Variants in GOLGA4 observed in about 807,000 individuals in gnomAD.
GOLGA4 encodes the protein golgin A4, also known as golgin subfamily A member 4.
GOLGA4 carries 169 observed loss-of-function variants against 265.9 expected under a neutral mutation model. The ratio of observed to expected loss-of-function variants is 0.64; its 90% CI spans 0.56 to 0.72. The LOEUF (loss-of-function observed/expected upper bound fraction) is 0.72, where lower values mean the gene tolerates loss of function less well. GOLGA4 is among the 30% of genes least tolerant of loss of function. The pLI is 0.00. For missense variants in GOLGA4, 2,482 were observed against 2,483.4 expected, an observed-to-expected ratio of 1.00 and a Z score of 0.01; for synonymous variants, 923 against 855.8, an observed-to-expected ratio of 1.08 and a Z score of -1.37.
Position 37,337,143 on chromosome 3 carries a change from G to A in GOLGA4, c.6307G>A (p.Val2103Ile), listed in dbSNP as rs925273952. ...EQEENPGNDN[V>I]TIMELQTQLA... Reference sequence around the variant, plus strand: ...ATGTTTTTTCTTTCCATTTTTTCAGGTAACAATTATGGAGCTACAGGTAAG... The same window carrying A: ...ATGTTTTTTCTTTCCATTTTTTCAGATAACAATTATGGAGCTACAGGTAAG... Residue 2103 changes from valine to isoleucine, a missense_variant and splice_region_variant, in exon 18 of 24, where the codon GTA becomes ATA. By Grantham distance (29) the Val-to-Ile change is conservative. Around this residue, in one of 3 missense-constraint regions of GOLGA4, gnomAD observed 942 missense variants for 983.1 expected, o/e 0.96. Transcript: ENST00000361924. The A allele has an allele frequency of 2.1e-6, 3 of 1,441,874 alleles. No homozygotes were observed. Among genetic ancestry groups the A allele is most frequent in the African/African-American group, 2.9e-5 (2 of 69,990 alleles). The allele number at this position is 1,441,874 out of a possible 1,614,324, so 89.3% of individuals were successfully genotyped here.
intron 12 of GOLGA4, among the ~76,000 whole-genome samples, chr3:37,321,031 A>G (rs1431272417): frequency 6.6e-6 from 1 of 152,196 alleles, no homozygotes; most frequent in African/African-American, 2.4e-5. Flanking sequence ...GCAGTTGGCA[A>G]TATCTGCTCT....
chr3:37,363,917 G>T (rs1250206290), intron 23 of GOLGA4, among the ~76,000 whole-genome samples: 2 of 152,030 alleles, frequency 1.3e-5, no homozygotes, highest in Non-Finnish European at 2.9e-5. Context: ...CTTGAATTTT[G>T]TTTCCCACAA....
intron 11 of GOLGA4, among the ~76,000 whole-genome samples, chr3:37,318,792 G>A (rs1559420902): frequency 6.6e-6 from 1 of 152,068 alleles, no homozygotes; most frequent in Admixed American, 6.5e-5. Flanking sequence ...ATCCTGACTT[G>A]TAGGGAACAT....
intron 21 of GOLGA4, among the ~76,000 whole-genome samples, chr3:37,354,340 A>G (rs1169601641): frequency 1.3e-5 from 2 of 152,020 alleles, no homozygotes; most frequent in African/African-American, 2.4e-5. Flanking sequence ...TAAGCACTGA[A>G]GTTGTTATCC....
intron 1 of GOLGA4, among the ~76,000 whole-genome samples, chr3:37,248,572 C>T (rs1433786278): frequency 6.6e-6 from 1 of 152,204 alleles, no homozygotes; most frequent in Non-Finnish European, 1.5e-5. Context: ...TTTATACTCA[C>T]ATCCATTTTC....
chr3:37,251,254 T>C (rs1578335880), intron 1 of GOLGA4, 141 bp from the exon 2 acceptor site: 1 of 583,412 alleles, frequency 1.7e-6, no homozygotes, highest in East Asian at 2.9e-5. Context: ...ATATTTGTTA[T>C]CCTTTTCTGC....
chr3:37,289,330 A>C (rs1411888016), intron 5 of GOLGA4, 39 bp downstream of exon 5: 2 of 1,208,310 alleles, frequency 1.7e-6, no homozygotes, highest in Non-Finnish European at 2.4e-6. Context: ...ATAGTAATTA[A>C]ATCTCATATT....
chr3:37,276,354 C>T, intron 2 of GOLGA4: 1 of 1,607,246 alleles, frequency 6.2e-7, no homozygotes, highest in Non-Finnish European at 8.5e-7. Flanking sequence ...GACTTATTTG[C>T]TAGAATGACA....
intron 21 of GOLGA4, among the ~76,000 whole-genome samples, chr3:37,353,452 C>A (rs1362276622): frequency 1.3e-5 from 2 of 152,108 alleles, no homozygotes; most frequent in Non-Finnish European, 2.9e-5. Context: ...CACACAGATT[C>A]TGTTCTGTCT....
At chr3:37,289,593 G>C (rs2096859697) in intron 5 of GOLGA4, among the ~76,000 whole-genome samples, 1 of 152,064 alleles carries the variant, frequency 6.6e-6, no homozygotes, top group African/African-American at 2.4e-5. Flanking sequence ...GCTTCTTTTT[G>C]TTTTTCCTAA....
Position 37,243,574 on chromosome 3 carries a change from G to C in GOLGA4, c.24G>C (p.Lys8Asn), listed in dbSNP as rs770327430. 1.2e-6 allele frequency: 2 copies of C among 1,614,086 alleles called. No homozygotes were observed. Among genetic ancestry groups the C allele is most frequent in the Admixed American group, 1.7e-5 (1 of 60,032 alleles). Residue 8 changes from lysine (K) to asparagine (N), a missense_variant, in exon 1 of 24, where the codon AAG (lysine) becomes AAC (asparagine). This residue lies in a region of GOLGA4 where 1,536 missense variants were observed against 1,483.7 expected (regional missense o/e 1.04). Transcript: ENST00000361924. MFKKLKQKISEEQQQLQQ... is the reference protein window; with the variant it reads MFKKLKQNISEEQQQLQQ... Reference sequence around the variant, plus strand: ...CCATGTTCAAGAAACTGAAGCAAAAGATCAGCGAGGAGCAGCAGCAGCTCC... The same window carrying C: ...CCATGTTCAAGAAACTGAAGCAAAACATCAGCGAGGAGCAGCAGCAGCTCC...
At chr3:37,259,303 T>C (rs949256783) in intron 2 of GOLGA4, among the ~76,000 whole-genome samples, 2 of 152,328 alleles carry the variant, frequency 1.3e-5, no homozygotes, top group Admixed American at 1.3e-4. Context: ...AGTCCCTCTG[T>C]AAGGAACTGT....
intron 20 of GOLGA4, among the ~76,000 whole-genome samples, chr3:37,344,268 AT>A (rs1375911415): frequency 1.3e-5 from 2 of 152,058 alleles, no homozygotes; most frequent in African/African-American, 4.8e-5. Context: ...CACCTGGCTA[AT>A]TTTTGTATTT....
At chr3:37,269,460 A>AG (rs2096792349) in intron 2 of GOLGA4, among the ~76,000 whole-genome samples, 1 of 152,220 alleles carries the variant, frequency 6.6e-6, no homozygotes, top group South Asian at 2.1e-4. Flanking sequence ...AAGAAAATGT[A>AG]GGGCTCTGTC....
chr3:37,339,844 A>G (rs2097026933), intron 19 of GOLGA4, among the ~76,000 whole-genome samples: 1 of 152,088 alleles, frequency 6.6e-6, no homozygotes, highest in African/African-American at 2.4e-5. Context: ...TACTTCATTG[A>G]TAGTGTCTGT....
Position 37,298,926 on chromosome 3 carries a change from A to T in GOLGA4, c.908A>T (p.Gln303Leu). ...NLLKRCKETI[Q>L]SHKEQCTLLT... ...CTTAAGCGTTGTAAGGAAACAATTC[A>T]GTCACATAAGGAACAATGTACACTA... Residue 303 changes from glutamine (Q) to leucine (L), a missense_variant, in exon 8 of 24, where the codon CAG becomes CTG. Coordinates refer to ENST00000361924, the MANE Select transcript of GOLGA4 (RefSeq NM_002078.5). 1 of 1,613,080 alleles carries T rather than the reference A, an allele frequency of 6.2e-7. No individual in the cohort carries two copies. Among genetic ancestry groups the T allele is most frequent in the Non-Finnish European group, 8.5e-7 (1 of 1,179,054 alleles).
At chr3:37,243,885 A>G (rs1161511355) in intron 1 of GOLGA4, 11 of 518,904 alleles carry the variant, frequency 2.1e-5, no homozygotes, top group Non-Finnish European at 3.4e-5. Context: ...ATCTCCGTTA[A>G]GAGTTTTCTC....
chr3:37,363,289 T>A (rs1696477574), intron 23 of GOLGA4, among the ~76,000 whole-genome samples: 1 of 152,346 alleles, frequency 6.6e-6, no homozygotes, highest in Non-Finnish European at 1.5e-5. Context: ...ATTCTATAGC[T>A]AACCCATTAA....
At chr3:37,347,385 T>C (rs2097059705) in intron 21 of GOLGA4, 89 bp downstream of exon 21, 2 of 705,238 alleles carry the variant, frequency 2.8e-6, no homozygotes, top group African/African-American at 1.8e-5. Context: ...GCCATATGTT[T>C]ACTATTAGCA....
Sources: allele counts gnomAD v4.1 joint callset (sites outside exome capture counted in the v4.1 genomes callset), GRCh38; gene constraint gnomAD v4.1.1; regional missense constraint gnomAD v4.1.1; transcripts MANE v1.5; gene names NCBI Gene and HGNC (gene_info 2026-07-23, HGNC 2026-07-21).